The following NXN variants were observed in gnomAD, a reference collection of about 807,000 sequenced individuals.
NXN encodes nucleoredoxin.
A neutral mutation model predicts 48.6 loss-of-function variants in NXN; 16 were observed. That is an observed-to-expected ratio of 0.33 (90% CI 0.22 to 0.50). NXN has a LOEUF of 0.50. NXN is among the 20% of genes least tolerant of loss of function. The pLI, the probability that NXN is intolerant of heterozygous loss-of-function variation, is 0.98. For synonymous variants in NXN, 281 were observed against 269.6 expected, an observed-to-expected ratio of 1.04 and a Z score of -0.41; for missense variants, 492 against 605.5, an observed-to-expected ratio of 0.81 and a Z score of 1.97.
In NXN at chr17:799,639, G is replaced by C. The variant is rs926938118; in HGVS notation, c.*1310C>G. 6.6e-6 allele frequency: 1 copy of C among 152,206 alleles called. No homozygotes were observed. Among genetic ancestry groups the C allele is most frequent in the South Asian group, 2.1e-4 (1 of 4,824 alleles). The allele number at this position is 152,206 out of a possible 1,614,324, so 9.4% of individuals were successfully genotyped here. Reference sequence around the variant, plus strand: ...GAACAGAGTTGTCTGTTTCTCTTTCGGGGGTCAGGTCAGCCCAAGTAAGAG... The same window carrying C: ...GAACAGAGTTGTCTGTTTCTCTTTCCGGGGTCAGGTCAGCCCAAGTAAGAG... On this transcript the variant is annotated 3_prime_UTR_variant, in exon 8 of 8. Coordinates refer to ENST00000336868, the MANE Select transcript of NXN (RefSeq NM_022463.5).
In NXN at chr17:938,364, G is replaced by A. The variant is rs562590559; in HGVS notation, c.360+40955C>T. On this transcript the variant is annotated intron_variant, in intron 1 of 7. Transcript: ENST00000336868. ...TGGCCACAAACACAGCTCACAGCTA[G>A]TGCGAAGGCCGAGCCAAAGAAAAGG... Among the ~76,000 whole-genome samples, 17 of 152,376 alleles carry A rather than the reference G, an allele frequency of 1.1e-4. 1 individual carries two copies. In the South Asian group the frequency reaches 3.5e-3, roughly 32 times the overall value.
rs777318638 is a variant in NXN, at chr17:830,341, G to A, written c.361-4263C>T. On this transcript the variant is annotated intron_variant, in intron 1 of 7. Transcript: ENST00000336868. The surrounding 1 kb of genome is among the most constrained non-coding windows in gnomAD (Gnocchi z 4.2). ...AGACAATAAACAAGAATATAAACAG[G>A]AAACTCATTTCAGACACCGAGAAGT... Among the ~76,000 whole-genome samples, 2 of 152,056 alleles carry A rather than the reference G, an allele frequency of 1.3e-5. No homozygotes were observed. The highest frequency in any genetic ancestry group is 2.4e-5 in the African/African-American group (1 of 41,420).
chr17:837,367 A>C (rs550426149), intron 1 of NXN, among the ~76,000 whole-genome samples: 1 of 152,306 alleles, frequency 6.6e-6, no homozygotes, highest in South Asian at 2.1e-4. Context: ...CTCCTGAGGC[A>C]TGATTCCCAG....
intron 1 of NXN, among the ~76,000 whole-genome samples, chr17:826,949 C>G (rs1316261165): frequency 6.6e-6 from 1 of 152,260 alleles, no homozygotes; most frequent in Non-Finnish European, 1.5e-5. Flanking sequence ...CCTCTGTTCG[C>G]CATCGGGGTG....
chr17:913,438 T>C (rs141683951), intron 1 of NXN, among the ~76,000 whole-genome samples: 565 of 152,230 alleles, frequency 3.7e-3, no homozygotes, highest in Non-Finnish European at 6.7e-3. Context: ...AACACAGAAG[T>C]GATCACAGAT....
At chr17:952,084 T>C (rs111706603) in intron 1 of NXN, among the ~76,000 whole-genome samples, 42 of 151,762 alleles carry the variant, frequency 2.8e-4, no homozygotes, top group African/African-American at 9.7e-4. Context: ...GTGGTGGTTG[T>C]GGTTTTTGTG....
Position 825,718 on chromosome 17 carries a change from G to A in NXN, c.478+243C>T, listed in dbSNP as rs1913064849. On this transcript the variant is annotated intron_variant, in intron 2 of 7. Coordinates refer to ENST00000336868, the MANE Select transcript of NXN (RefSeq NM_022463.5). This position sits in a 1 kb window ranked among gnomAD's most constrained non-coding sequence, Gnocchi z 4.1. Reference sequence around the variant, plus strand: ...TCCAAGCGGAGCTTCTTACGGCAGAGTCCATCTCTTTTGGCCCATGAATTA... The same window carrying A: ...TCCAAGCGGAGCTTCTTACGGCAGAATCCATCTCTTTTGGCCCATGAATTA... The A allele has an allele frequency of 1.4e-5, 6 of 439,296 alleles. No individual in the cohort carries two copies. In the South Asian group the frequency reaches 1.9e-4, roughly 14 times the overall value. The allele number at this position is 439,296 out of a possible 1,614,324, so 27.2% of individuals were successfully genotyped here.
At chr17:809,252 G>T (rs994020139) in intron 5 of NXN, among the ~76,000 whole-genome samples, 1 of 152,234 alleles carries the variant, frequency 6.6e-6, no homozygotes, top group Non-Finnish European at 1.5e-5. Context: ...AGTTCCTAGA[G>T]AGGGCGCAGC....
rs531521407 is a variant in NXN at position 877,550 on chromosome 17, G to A, written c.361-51472C>T. On this transcript the variant is annotated intron_variant, in intron 1 of 7. Coordinates refer to ENST00000336868, the MANE Select transcript of NXN (RefSeq NM_022463.5). ...GGGAACAGAAAGATAATTGATACAC[G>A]AGCCTTTCTTTCCTTTATGGAAGGC... is the stretch of plus-strand genomic sequence containing the variant. 3.9e-5 allele frequency among the ~76,000 whole-genome samples: 6 copies of A among 152,234 alleles called. No individual in the cohort carries two copies. In the East Asian group the frequency reaches 7.7e-4, roughly 20 times the overall value.
intron 5 of NXN, among the ~76,000 whole-genome samples, chr17:807,091 CCT>C (rs149807013): frequency 7.9e-5 from 12 of 152,338 alleles, no homozygotes; most frequent in East Asian, 5.8e-4. Context: ...CATTTTATCC[CCT>C]GAGGCCGGGG....
At chr17:822,480 C>G (rs1362432030) in intron 3 of NXN, 23 bp from the exon 4 acceptor site, 1 of 1,568,306 alleles carries the variant, frequency 6.4e-7, no homozygotes, top group Admixed American at 1.7e-5. Flanking sequence ...ACAGCAAGAC[C>G]CGCTGCGTCA....
intron 1 of NXN, among the ~76,000 whole-genome samples, chr17:892,344 C>A (rs1191715725): frequency 6.6e-6 from 1 of 152,228 alleles, no homozygotes; most frequent in African/African-American, 2.4e-5. Context: ...ACCTCATGTT[C>A]TGAATTTAAG....
chr17:919,507 A>G lies in NXN; in HGVS notation c.360+59812T>C, dbSNP rs548062700. Among the ~76,000 whole-genome samples, 381 of 152,336 alleles carry G rather than the reference A, an allele frequency of 2.5e-3. No individual in the cohort carries two copies. The highest frequency in any genetic ancestry group is 8.0e-3 in the African/African-American group (331 of 41,576). On this transcript the variant is annotated intron_variant, in intron 1 of 7. Coordinates refer to ENST00000336868, the MANE Select transcript of NXN (RefSeq NM_022463.5). The surrounding 1 kb of genome is among the most constrained non-coding windows in gnomAD (Gnocchi z 5.1). The stretch of plus-strand genomic sequence containing the variant: ...GAGGAAAAAGCCCTGTAATCTCAGC[A>G]CAACCAGAAATTAAAGTGGCAGTTT...
chr17:944,856 C>A (rs73975597), intron 1 of NXN, among the ~76,000 whole-genome samples: 288 of 152,116 alleles, frequency 1.9e-3, no homozygotes, highest in Middle Eastern at 0.01. Context: ...TTCTTTCAAG[C>A]AGGGGCCACA....
chr17:945,974 C>T (rs1049388987), intron 1 of NXN, among the ~76,000 whole-genome samples: 2 of 152,040 alleles, frequency 1.3e-5, no homozygotes, highest in African/African-American at 4.8e-5. Flanking sequence ...CTGTTCTCAC[C>T]CTTTCGGCCA....
chr17:899,796 A>AGGAGGATAGCCTGAGCCC (rs2068520510), intron 1 of NXN, among the ~76,000 whole-genome samples: 1 of 152,140 alleles, frequency 6.6e-6, no homozygotes, highest in Non-Finnish European at 1.5e-5. Context: ...AGGATGAGGC[A>AGGAGGATAGCCTGAGCCC]GGAGGATAGC....
intron 1 of NXN, among the ~76,000 whole-genome samples, chr17:862,598 C>T (rs544612232): frequency 4.1e-4 from 63 of 152,222 alleles, no homozygotes; most frequent in Non-Finnish European, 6.8e-4. Context: ...TAACAAGTTA[C>T]TGGGAGGAGA....
At chr17:824,100 C>A (rs576782205) in intron 2 of NXN, among the ~76,000 whole-genome samples, 1 of 148,300 alleles carries the variant, frequency 6.7e-6, no homozygotes, top group East Asian at 2.0e-4. Context: ...AGTGCAGTGG[C>A]GCAATCTCAG....
chr17:918,909 T>C lies in NXN; in HGVS notation c.360+60410A>G, dbSNP rs115179242. On this transcript the variant is annotated intron_variant, in intron 1 of 7. Coordinates refer to ENST00000336868, the MANE Select transcript of NXN (RefSeq NM_022463.5). ...CCACAGCCTCCTTCCTCATTAAAAATGTCTCTGCAGCCAGGCAAGGTGGCG... is the reference window on the plus strand; with the variant it reads ...CCACAGCCTCCTTCCTCATTAAAAACGTCTCTGCAGCCAGGCAAGGTGGCG... 8.3e-3 allele frequency among the ~76,000 whole-genome samples: 1,240 copies of C among 150,176 alleles called. 22 individuals carry two copies. The highest frequency in any genetic ancestry group is 0.027 in the African/African-American group (1,126 of 40,956).
Sources: allele counts gnomAD v4.1 joint callset (sites outside exome capture counted in the v4.1 genomes callset), GRCh38; gene constraint gnomAD v4.1.1; non-coding constraint Gnocchi (gnomAD v3.1); transcripts MANE v1.5; gene names NCBI Gene and HGNC (gene_info 2026-07-23, HGNC 2026-07-21).